The following AMZ1 variants were observed in gnomAD, a reference collection of about 807,000 sequenced individuals.
AMZ1 encodes the protein archaemetzincin-1.
A neutral mutation model predicts 29.9 loss-of-function variants in AMZ1; 39 were observed. The ratio of observed to expected loss-of-function variants is 1.30; its 90% CI spans 1.01 to 1.70. AMZ1 has a LOEUF of 1.70. Ranked by LOEUF, AMZ1 falls within the 40% of genes most tolerant of loss-of-function variation. AMZ1 has a pLI of 0.00. For missense variants in AMZ1, 1,041 were observed against 680.6 expected (o/e 1.53, Z -5.89); for synonymous variants, 458 against 304.0 (o/e 1.51, Z -5.27).
chr7:2,708,585 C>A lies in AMZ1; in HGVS notation c.473-3C>A, dbSNP rs376971833. Reference sequence around the variant, plus strand: ...ACCCCATCCTCTGGCCCTCTCCCCGCAGACGGCATCCTGTCCTTCTTGAAG... The same window carrying A: ...ACCCCATCCTCTGGCCCTCTCCCCGAAGACGGCATCCTGTCCTTCTTGAAG... On this transcript the variant is annotated splice_region_variant and splice_polypyrimidine_tract_variant and intron_variant, in intron 3 of 6. Transcript: ENST00000683327. The A allele has an allele frequency of 1.9e-6, 3 of 1,612,114 alleles. No homozygotes were observed. Among genetic ancestry groups the A allele is most frequent in the African/African-American group, 2.7e-5 (2 of 74,902 alleles).
intron 1 of AMZ1, among the ~76,000 whole-genome samples, chr7:2,696,624 C>T (rs1387991905): frequency 6.6e-6 from 1 of 151,710 alleles, no homozygotes; most frequent in East Asian, 2.0e-4. Flanking sequence ...GTGGCTCATG[C>T]CTGTAATCCC....
intron 1 of AMZ1, among the ~76,000 whole-genome samples, chr7:2,696,606 C>T (rs556148568): frequency 1.8e-4 from 28 of 151,594 alleles, no homozygotes; most frequent in African/African-American, 4.3e-4. Flanking sequence ...CAGGGCTGGC[C>T]GGGCACGGTG....
chr7:2,708,009 G>C (rs552782859), intron 3 of AMZ1, among the ~76,000 whole-genome samples: 23 of 151,948 alleles, frequency 1.5e-4, no homozygotes, highest in Admixed American at 1.4e-3. Context: ...TTTTAGTAGA[G>C]ATGGGGTTTT....
At chr7:2,738,472 C>T (rs922948796) in intron 4 of AMZ1, among the ~76,000 whole-genome samples, 1 of 152,176 alleles carries the variant, frequency 6.6e-6, no homozygotes, top group Non-Finnish European at 1.5e-5. Context: ...CCGATACCCA[C>T]TGCCAAAGGA....
At chr7:2,723,821 G>C (rs77760292), downstream of AMZ1, among the ~76,000 whole-genome samples, 5 of 152,214 alleles carry the variant, frequency 3.3e-5, no homozygotes, top group African/African-American at 7.2e-5. Flanking sequence ...TGGGCCTGGA[G>C]GACTTTACAT....
At chr7:2,693,833 G>T (rs749470229) in intron 1 of AMZ1, among the ~76,000 whole-genome samples, 1 of 152,348 alleles carries the variant, frequency 6.6e-6, no homozygotes, top group South Asian at 2.1e-4. Context: ...GAGAATGCAG[G>T]CATGGGCCAC....
Position 2,708,551 on chromosome 7 carries a change from T to G in AMZ1, c.473-37T>G, listed in dbSNP as rs773881277. On this transcript the variant is annotated intron_variant, in intron 3 of 6. Coordinates refer to ENST00000683327, the MANE Select transcript of AMZ1 (RefSeq NM_001384743.1). ...AGCCTGGAAGATGGGGGTCCCCGGC[T>G]GCCTCCTGACCCCATCCTCTGGCCC... 23 of 1,608,988 alleles carry G rather than the reference T, an allele frequency of 1.4e-5. No homozygotes were observed. In the South Asian group the frequency reaches 2.5e-4, roughly 18 times the overall value.
In AMZ1 at chr7:2,705,970, T is replaced by C. The variant is rs1336714605; in HGVS notation, c.473-2618T>C. ...CTGTTGGTGCCAGGCCTGTGGCAGCTCAGAGACAGCACCAAGTCCCACAAG... is the reference window on the plus strand; with the variant it reads ...CTGTTGGTGCCAGGCCTGTGGCAGCCCAGAGACAGCACCAAGTCCCACAAG... On this transcript the variant is annotated intron_variant, in intron 3 of 6. Transcript: ENST00000683327. Among the ~76,000 whole-genome samples, 5 of 152,186 alleles carry C rather than the reference T, an allele frequency of 3.3e-5. No homozygotes were observed. The South Asian group carries it at 6.2e-4, about 19-fold the overall frequency.
chr7:2,700,460 G>A lies in AMZ1; in HGVS notation c.9G>A (p.Gln3=). 1 of 1,600,694 alleles carries A rather than the reference G, an allele frequency of 6.2e-7. No individual in the cohort carries two copies. The highest frequency in any genetic ancestry group is 8.5e-7 in the Non-Finnish European group (1 of 1,179,770). The change falls in exon 2 of 7, where the codon CAG becomes CAA. Residue 3 remains glutamine (Q), a synonymous_variant. Transcript: ENST00000683327. Reference sequence around the variant, plus strand: ...GGCCCTGCCCGCCCACCATGCTGCAGTGTAGACCCGCACAGGAGTTCAGCT... The same window carrying A: ...GGCCCTGCCCGCCCACCATGCTGCAATGTAGACCCGCACAGGAGTTCAGCT... The part of the protein sequence containing the change: ML[Q]CRPAQEFSFG...
rs1021494273 is a variant in AMZ1, at chr7:2,718,641, A to C, written c.*5763A>C. Among the ~76,000 whole-genome samples, 8 of 152,344 alleles carry C rather than the reference A, an allele frequency of 5.3e-5. No homozygotes were observed. The East Asian group carries it at 1.5e-3, about 29-fold the overall frequency. ...CCCTCTCGGTCAGGCTTTCAGCAGC[A>C]GAAGGCAGTGGACTCTTCACCATTT... On this transcript the variant is annotated 3_prime_UTR_variant, in exon 7 of 7. Transcript: ENST00000683327.
chr7:2,724,546 A>G (rs544642067), downstream of AMZ1, among the ~76,000 whole-genome samples: 366 of 135,448 alleles, frequency 2.7e-3, 1 homozygote, highest in Admixed American at 4.8e-3. Flanking sequence ...GCACCCTCCC[A>G]CCCCACCCAC....
At chr7:2,702,562 C>T in intron 2 of AMZ1, 160 bp from the exon 3 acceptor site, 1 of 781,640 alleles carries the variant, frequency 1.3e-6, no homozygotes, top group South Asian at 2.0e-5. Context: ...AAAAGTCATG[C>T]TTTCCATCCC....
chr7:2,750,237 C>T (rs1790966038), intron 4 of AMZ1, among the ~76,000 whole-genome samples: 1 of 152,210 alleles, frequency 6.6e-6, no homozygotes, highest in African/African-American at 2.4e-5. Context: ...CCCAGCTCTG[C>T]TTAGACCCAT....
rs114968562 is a variant in AMZ1 at position 2,690,379 on chromosome 7, C to G, written c.-219+2083C>G. On this transcript the variant is annotated intron_variant, in intron 1 of 6. Transcript: ENST00000683327. ...GACCACAGGCATGCACAACCATGCCCAGCTAATTTTTAAAATGTTTTGTAG... is the reference window on the plus strand; with the variant it reads ...GACCACAGGCATGCACAACCATGCCGAGCTAATTTTTAAAATGTTTTGTAG... 7.1e-3 allele frequency among the ~76,000 whole-genome samples: 1,074 copies of G among 152,298 alleles called. 21 individuals carry two copies. Among genetic ancestry groups the G allele is most frequent in the African/African-American group, 0.025 (1,028 of 41,560 alleles).
At chr7:2,754,724 G>C (rs1003369412) in intron 4 of AMZ1, among the ~76,000 whole-genome samples, 1 of 152,146 alleles carries the variant, frequency 6.6e-6, no homozygotes, top group Non-Finnish European at 1.5e-5. Flanking sequence ...ACTCCAGTCC[G>C]AGCAACAGAG....
At chr7:2,710,003 TC>T (rs1464636556) in intron 6 of AMZ1, among the ~76,000 whole-genome samples, 187 bp downstream of exon 6, 2 of 152,140 alleles carry the variant, frequency 1.3e-5, no homozygotes, top group African/African-American at 4.8e-5. Context: ...TGGCAGTAGA[TC>T]GAGTCCTGCC....
rs747362557 is a variant in AMZ1, at chr7:2,719,479, A to G, written c.*6601A>G. Among the ~76,000 whole-genome samples, 1 of 152,206 alleles carries G rather than the reference A, an allele frequency of 6.6e-6. No homozygotes were observed. The highest frequency in any genetic ancestry group is 1.5e-5 in the Non-Finnish European group (1 of 68,032). The stretch of plus-strand genomic sequence containing the variant: ...CTCCCAACGGGAACGACTTAGCCCT[A>G]ATTACATGAGCTTTGATCACCGCTC... On this transcript the variant is annotated 3_prime_UTR_variant, in exon 7 of 7. Coordinates refer to ENST00000683327, the MANE Select transcript of AMZ1 (RefSeq NM_001384743.1).
intron 3 of AMZ1, among the ~76,000 whole-genome samples, chr7:2,707,818 C>CTTTTT (rs60848680): frequency 4.1e-4 from 39 of 95,322 alleles, no homozygotes; most frequent in African/African-American, 1.5e-3. Flanking sequence ...CTAACGAGGG[C>CTTTTT]TTTTTTTTTT....
chr7:2,708,515 G>A, intron 3 of AMZ1, 73 bp from the exon 4 acceptor site: 2 of 1,592,108 alleles, frequency 1.3e-6, no homozygotes, highest in Non-Finnish European at 1.7e-6. Context: ...GGATGACGGG[G>A]TGCCAGCCTG....
Sources: gnomAD v4.1 joint callset for allele counts (sites outside exome capture counted in the v4.1 genomes callset) on GRCh38, gnomAD v4.1.1 for gene constraint, MANE v1.5 for transcripts, NCBI Gene and HGNC (gene_info 2026-07-23, HGNC 2026-07-21) for gene names.